The following CNOT8 variants were observed in gnomAD, a reference collection of about 807,000 sequenced individuals.
CNOT8 encodes the protein CCR4-NOT transcription complex subunit 8, also known as CAF1-like protein.
In CNOT8, 18 loss-of-function variants were observed where a neutral mutation model predicts 34.6. That is an observed-to-expected ratio of 0.52 (90% CI 0.36 to 0.77). The LOEUF (loss-of-function observed/expected upper bound fraction) is 0.77. Among genes scored for constraint, CNOT8 ranks in the 30% least tolerant of loss-of-function variants. CNOT8 has a pLI of 0.00. For synonymous variants in CNOT8, 101 were observed against 118.8 expected (o/e 0.85, Z 0.98); for missense variants, 189 against 347.9 (o/e 0.54, Z 3.63).
rs901380942 is a variant in CNOT8, at chr5:154,875,414, C to T, written c.854C>T (p.Ala285Val). The T allele has an allele frequency of 1.5e-5, 25 of 1,613,622 alleles. No individual in the cohort carries two copies. The highest frequency in any genetic ancestry group is 1.9e-5 in the Non-Finnish European group (23 of 1,179,992). Residue 285 changes from alanine (A) to valine (V), a missense_variant, in exon 7 of 7, where the codon GCG (alanine) becomes GTG (valine). Physicochemically the swap from Ala to Val is moderately conservative, Grantham distance 64 (BLOSUM62 0). Transcript: ENST00000285896. ...GCCCAGGAGAAGATGAGCATCCTGG[C>T]GATTATCAACAACATGCAGCAGTGA... ...DSAQEKMSIL[A>V]IINNMQQ
chr5:154,865,106 TG>T, intron 2 of CNOT8, 85 bp from the exon 3 acceptor site: 1 of 1,144,364 alleles, frequency 8.7e-7, no homozygotes. Context: ...CTTTTATAAA[TG>T]GAGGTAAAAT....
intron 1 of CNOT8, chr5:154,859,236 T>G (rs1761093016): frequency 6.6e-6 from 1 of 152,000 alleles, no homozygotes; most frequent in Admixed American, 6.6e-5. Context: ...TGATTTGAAG[T>G]GGAAGGATGA....
chr5:154,875,249 C>G, intron 6 of CNOT8, 41 bp from the exon 7 acceptor site: 1 of 1,606,748 alleles, frequency 6.2e-7, no homozygotes, highest in Non-Finnish European at 8.5e-7. Flanking sequence ...GTCATGACTT[C>G]TAGCATAACT....
intron 4 of CNOT8, 120 bp downstream of exon 4, chr5:154,870,942 T>C (rs756145380): frequency 1.2e-5 from 10 of 831,602 alleles, no homozygotes; most frequent in African/African-American, 1.7e-5. Context: ...CAGCCAGAAG[T>C]TGAATTGGTG....
chr5:154,866,898 A>G (rs1761946622), intron 3 of CNOT8, among the ~76,000 whole-genome samples: 2 of 152,282 alleles, frequency 1.3e-5, no homozygotes, highest in South Asian at 4.1e-4. Context: ...AGGTGACAGA[A>G]TGAGACTCTG....
At chr5:154,870,464 C>A (rs1173858140) in intron 3 of CNOT8, 197 bp from the exon 4 acceptor site, 1 of 404,702 alleles carries the variant, frequency 2.5e-6, no homozygotes, top group Non-Finnish European at 4.4e-6. Context: ...GGAGGAAAAT[C>A]TCATTTTTCT....
At chr5:154,869,866 G>C (rs1344516646) in intron 3 of CNOT8, among the ~76,000 whole-genome samples, 1 of 151,742 alleles carries the variant, frequency 6.6e-6, no homozygotes, top group Non-Finnish European at 1.5e-5. Flanking sequence ...CTCGTGATCC[G>C]CCCACCTTGG....
At chr5:154,863,180 A>G (rs1386602289) in intron 1 of CNOT8, 27 bp from the exon 2 acceptor site, 10 of 791,738 alleles carry the variant, frequency 1.3e-5, no homozygotes, top group Admixed American at 1.2e-4. Context: ...GTAAACTTAC[A>G]TGATTTTAAA....
intron 1 of CNOT8, chr5:154,858,981 A>G (rs998162470): frequency 2.0e-5 from 3 of 152,170 alleles, no homozygotes; most frequent in African/African-American, 7.2e-5. Flanking sequence ...AAAGCATCTC[A>G]TATGCTTCAT....
In CNOT8 at chr5:154,872,561, T is replaced by C. The variant is rs146858939; in HGVS notation, c.639T>C (p.Ala213=). ...KNLKGGLQEV[A]DQLDLQRIGR... is the part of the protein sequence containing the mutation. ...TCCAGGGAGGTCTTCAGGAAGTTGC[T>C]GATCAGTTGGATTTGCAGAGGATTG... The change falls in exon 6 of 7, where the codon GCT becomes GCC. Residue 213 remains alanine (A), a synonymous_variant. Transcript: ENST00000285896. 4.7e-5 allele frequency: 76 copies of C among 1,612,176 alleles called. No individual in the cohort carries two copies. The highest frequency in any genetic ancestry group is 3.5e-4 in the African/African-American group (26 of 74,832).
chr5:154,859,964 A>T (rs1340883715), intron 1 of CNOT8: 1 of 152,198 alleles, frequency 6.6e-6, no homozygotes, highest in Non-Finnish European at 1.5e-5. Context: ...CGTGAGGCAA[A>T]CATTGTATGT....
At chr5:154,861,555 C>G (rs984320357) in intron 1 of CNOT8, among the ~76,000 whole-genome samples, 3 of 152,232 alleles carry the variant, frequency 2.0e-5, no homozygotes, top group African/African-American at 7.2e-5. Context: ...TTTCCTTGCT[C>G]TGTCCCTTGG....
In CNOT8 at chr5:154,876,359, C is replaced by T. The variant is rs939021210; in HGVS notation, c.*920C>T. Reference sequence around the variant, plus strand: ...ATTATTTCTCTACTTTTCCTTCCAGCAAACCTGAAACGTGAGGGAGATGGA... The same window carrying T: ...ATTATTTCTCTACTTTTCCTTCCAGTAAACCTGAAACGTGAGGGAGATGGA... On this transcript the variant is annotated 3_prime_UTR_variant, in exon 7 of 7. Coordinates refer to ENST00000285896, the MANE Select transcript of CNOT8 (RefSeq NM_001301073.2). 6.6e-6 allele frequency: 1 copy of T among 152,194 alleles called. No homozygotes were observed. The highest frequency in any genetic ancestry group is 1.5e-5 in the Non-Finnish European group (1 of 68,040). 9.4% of individuals were successfully genotyped at this position (152,194 alleles called of 1,614,324 possible).
chr5:154,860,164 A>G (rs1761186954), intron 1 of CNOT8, among the ~76,000 whole-genome samples: 1 of 152,176 alleles, frequency 6.6e-6, no homozygotes, highest in Non-Finnish European at 1.5e-5. Flanking sequence ...TTTGAAAGCC[A>G]TAGAGTTGTG....
At chr5:154,860,923 T>G (rs928158386) in intron 1 of CNOT8, among the ~76,000 whole-genome samples, 1 of 152,148 alleles carries the variant, frequency 6.6e-6, no homozygotes, top group Admixed American at 6.5e-5. Flanking sequence ...TGTGTGGGGT[T>G]TTTTGTTGTT....
rs2113208680 is a variant in CNOT8 at position 154,858,657 on chromosome 5, G to C, written c.-184G>C. ...GTTCTAGGAGCAGATCCGGGGTAGAGGGAAAAGAGCTCCGGGCCAGGGGCT... is the reference window on the plus strand; with the variant it reads ...GTTCTAGGAGCAGATCCGGGGTAGACGGAAAAGAGCTCCGGGCCAGGGGCT... On this transcript the variant is annotated 5_prime_UTR_variant, in exon 1 of 7. Transcript: ENST00000285896. 1 of 152,324 alleles carries C rather than the reference G, an allele frequency of 6.6e-6. No homozygotes were observed. The highest frequency in any genetic ancestry group is 2.4e-5 in the African/African-American group (1 of 41,554). The allele number at this position is 152,324 out of a possible 1,614,324, so 9.4% of individuals were successfully genotyped here.
At chr5:154,864,928 C>T (rs1218124584) in intron 2 of CNOT8, among the ~76,000 whole-genome samples, 1 of 152,082 alleles carries the variant, frequency 6.6e-6, no homozygotes, top group African/African-American at 2.4e-5. Context: ...GTAGTTCCAG[C>T]TACTTAGGGA....
Position 154,865,174 on chromosome 5 carries a change from G to C in CNOT8, c.118-18G>C. 6.5e-7 allele frequency: 1 copy of C among 1,534,636 alleles called. No homozygotes were observed. Among genetic ancestry groups the C allele is most frequent in the Non-Finnish European group, 8.7e-7 (1 of 1,143,514 alleles). The stretch of plus-strand genomic sequence containing the variant: ...TGTTTTGTGAAACCTTGTGATGAGA[G>C]ACTTTTTCCTTTTCCAGGACACAGA... On this transcript the variant is annotated intron_variant, in intron 2 of 6. Transcript: ENST00000285896.
chr5:154,865,331 G>C lies in CNOT8; in HGVS notation c.257G>C (p.Gly86Ala). The C allele has an allele frequency of 6.2e-7, 1 of 1,611,158 alleles. No homozygotes were observed. Among genetic ancestry groups the C allele is most frequent in the South Asian group, 1.1e-5 (1 of 90,144 alleles). The change falls in exon 3 of 7, where the codon GGA becomes GCA. Residue 86 changes from glycine (G) to alanine (A), a missense_variant. By Grantham distance (60) the Gly-to-Ala change is moderately conservative. This residue lies in a region of CNOT8 where 160 missense variants were observed against 321.9 expected (regional missense o/e 0.50). Coordinates refer to ENST00000285896, the MANE Select transcript of CNOT8 (RefSeq NM_001301073.2). Reference protein sequence around the residue: ...QLGLTFTNEKGEYPSGINTWQ... With the variant: ...QLGLTFTNEKAEYPSGINTWQ... ...GGCCTTACATTCACAAATGAGAAGG[G>C]AGAGTATCCTTCTGGAATCAATACT...
Sources: allele counts gnomAD v4.1 joint callset (sites outside exome capture counted in the v4.1 genomes callset), GRCh38; gene constraint gnomAD v4.1.1; regional missense constraint gnomAD v4.1.1; transcripts MANE v1.5; gene names NCBI Gene and HGNC (gene_info 2026-07-23, HGNC 2026-07-21).